The following CHRNG variants were observed in gnomAD, a reference collection of about 807,000 sequenced individuals.
The protein encoded by CHRNG is acetylcholine receptor subunit gamma.
CHRNG carries 72 observed loss-of-function variants against 65.2 expected under a neutral mutation model. The ratio of observed to expected loss-of-function variants is 1.10; its 90% CI spans 0.91 to 1.34. The LOEUF is 1.34. Among genes scored for constraint, CHRNG ranks in the 40% most tolerant of loss-of-function variants. The pLI is 0.00. For synonymous variants in CHRNG, 284 were observed against 290.2 expected (o/e 0.98, Z 0.22); for missense variants, 637 against 680.1 (o/e 0.94, Z 0.70).
At chr2:232,543,223 T>C in intron 7 of CHRNG, 52 bp from the exon 8 acceptor site, 1 of 1,548,090 alleles carries the variant, frequency 6.5e-7, no homozygotes, top group Non-Finnish European at 8.9e-7. Flanking sequence ...GGGGTTCCTC[T>C]GTGGGTGGGG....
Position 232,540,610 on chromosome 2 carries a change from C to T in CHRNG, c.249C>T (p.Cys83=), listed in dbSNP as rs376744239. 16 of 1,611,416 alleles carry T rather than the reference C, an allele frequency of 9.9e-6. No individual in the cohort carries two copies. The highest frequency in any genetic ancestry group is 4.0e-5 in the African/African-American group (3 of 74,892). ...TTNVWIEMQW[C]DYRLRWDPRD... ...TGCCCCTCCCCCTGCAGCAGTGGTG[C>T]GACTATCGCCTGCGCTGGGATCCGC... The change falls in exon 4 of 12, where the codon TGC becomes TGT. Residue 83 remains cysteine, a synonymous_variant. Transcript: ENST00000651502. The surrounding 1 kb of genome is among the most constrained non-coding windows in gnomAD (Gnocchi z 4.2).
chr2:232,543,475 C>T, intron 8 of CHRNG, 86 bp downstream of exon 8: 4 of 1,214,572 alleles, frequency 3.3e-6, no homozygotes, highest in Non-Finnish European at 2.4e-6. Context: ...TCTTGCCCTC[C>T]ATCCACCCCC....
At position 232,541,931 on chromosome 2, in the gene CHRNG, T is replaced by G. The variant is rs1485923797; in HGVS notation, c.506+402T>G. 5.8e-6 allele frequency: 2 copies of G among 343,088 alleles called. No homozygotes were observed. The highest frequency in any genetic ancestry group is 4.2e-5 in the Admixed American group (1 of 24,050). The allele number at this position is 343,088 out of a possible 1,614,324, so 21.3% of individuals were successfully genotyped here. On this transcript the variant is annotated intron_variant, in intron 5 of 11. Transcript: ENST00000651502. This position sits in a 1 kb window ranked among gnomAD's most constrained non-coding sequence, Gnocchi z 4.0. Reference sequence around the variant, plus strand: ...CCTGGCAGGGAATCCAGCGGAAGCATGTATGCAACCAAGCCACCCCTGGGG... The same window carrying G: ...CCTGGCAGGGAATCCAGCGGAAGCAGGTATGCAACCAAGCCACCCCTGGGG...
At chr2:232,542,336 C>A in intron 5 of CHRNG, 87 bp from the exon 6 acceptor site, 1 of 851,932 alleles carries the variant, frequency 1.2e-6, no homozygotes, top group Non-Finnish European at 2.0e-6. Context: ...AGAAAAGCTG[C>A]CCACACTTGT....
intron 1 of CHRNG, 82 bp from the exon 2 acceptor site, chr2:232,539,908 CCT>C (rs1691978256): frequency 3.7e-6 from 6 of 1,608,184 alleles, no homozygotes; most frequent in African/African-American, 2.7e-5. Flanking sequence ...GACCCAGTTC[CCT>C]GAGTCCCCAC....
In CHRNG at chr2:232,545,986, A is replaced by C. The variant is rs896246172; in HGVS notation, c.*270A>C. 8.6e-6 allele frequency: 5 copies of C among 580,192 alleles called. No individual in the cohort carries two copies. The highest frequency in any genetic ancestry group is 1.6e-5 in the Non-Finnish European group (5 of 320,414). The allele number at this position is 580,192 out of a possible 1,614,324, so 35.9% of individuals were successfully genotyped here. On this transcript the variant is annotated 3_prime_UTR_variant, in exon 12 of 12. Coordinates refer to ENST00000651502, the MANE Select transcript of CHRNG (RefSeq NM_005199.5). ...CCTGGCACCAGCCACCCCTCCACTC[A>C]GTGCACTCCCCTCACTTAGGCAAAG...
Position 232,543,481 on chromosome 2 carries a change from C to CG in CHRNG, c.920+92_920+93insG, listed in dbSNP as rs1692059849. ...GCATTGCCCTCTTGCCCTCCATCCA[C>CG]CCCCCCCATCCTCAATTCAGGAGGC... On this transcript the variant is annotated intron_variant, in intron 8 of 11. Transcript: ENST00000651502. 11 of 984,920 alleles carry CG rather than the reference C, an allele frequency of 1.1e-5. No homozygotes were observed. In the East Asian group the frequency reaches 3.5e-4, roughly 31 times the overall value. 61.0% of individuals were successfully genotyped at this position (984,920 alleles called of 1,614,324 possible).
At position 232,540,301 on chromosome 2, in the gene CHRNG, C is replaced by T; in HGVS notation, c.196-80C>T. ...AGTACTATCAAGAGGCTGGGGGATG[C>T]TTGGCCCCATTGGTGGCCTGTGGGG... is the stretch of plus-strand genomic sequence containing the variant. On this transcript the variant is annotated intron_variant, in intron 2 of 11. Coordinates refer to ENST00000651502, the MANE Select transcript of CHRNG (RefSeq NM_005199.5). The surrounding 1 kb of genome is among the most constrained non-coding windows in gnomAD (Gnocchi z 4.2). 1.2e-6 allele frequency: 2 copies of T among 1,602,482 alleles called. No individual in the cohort carries two copies. Among genetic ancestry groups the T allele is most frequent in the Non-Finnish European group, 8.6e-7 (1 of 1,169,550 alleles).
At position 232,541,497 on chromosome 2, in the gene CHRNG, C is replaced by T. The variant is rs145907618; in HGVS notation, c.474C>T (p.Pro158=). ...SACSISVTYF[P]FDWQNCSLIF... ...GCTCTATCTCAGTCACCTACTTCCC[C>T]TTCGACTGGCAGAACTGCTCCCTTA... Residue 158 remains proline, a synonymous_variant, in exon 5 of 12, where the codon CCC becomes CCT. Coordinates refer to ENST00000651502, the MANE Select transcript of CHRNG (RefSeq NM_005199.5). The surrounding 1 kb of genome is among the most constrained non-coding windows in gnomAD (Gnocchi z 4.0). The T allele has an allele frequency of 3.7e-6, 6 of 1,614,152 alleles. No individual in the cohort carries two copies. Among genetic ancestry groups the T allele is most frequent in the Non-Finnish European group, 5.1e-6 (6 of 1,180,004 alleles).
rs201271850 is a variant in CHRNG at position 232,541,569 on chromosome 2, C to G, written c.506+40C>G. 5 of 1,608,366 alleles carry G rather than the reference C, an allele frequency of 3.1e-6. No individual in the cohort carries two copies. Among genetic ancestry groups the G allele is most frequent in the Non-Finnish European group, 4.2e-6 (5 of 1,179,240 alleles). ...TGGGGAGGATTAAGAGAGCTGCTCT[C>G]AGAGGGGCCTGGGCAGTGGTGGGGT... On this transcript the variant is annotated intron_variant, in intron 5 of 11. Transcript: ENST00000651502. The surrounding 1 kb of genome is among the most constrained non-coding windows in gnomAD (Gnocchi z 4.0).
At position 232,541,624 on chromosome 2, in the gene CHRNG, T is replaced by C. The variant is rs1397827138; in HGVS notation, c.506+95T>C. The stretch of plus-strand genomic sequence containing the variant: ...CCTGGGCAAGGCTTCTGGCCTTGGC[T>C]CTGGCAGCACCTAGAGGCCTGGCTC... On this transcript the variant is annotated intron_variant, in intron 5 of 11. Transcript: ENST00000651502. This position sits in a 1 kb window ranked among gnomAD's most constrained non-coding sequence, Gnocchi z 4.0. The C allele has an allele frequency of 1.4e-6, 2 of 1,472,664 alleles. No homozygotes were observed. The highest frequency in any genetic ancestry group is 1.7e-5 in the Admixed American group (1 of 59,678). The allele number at this position is 1,472,664 out of a possible 1,614,324, so 91.2% of individuals were successfully genotyped here. A position where few individuals can be genotyped will look rare whatever the true frequency, so the allele number is the denominator to read the frequency against.
intron 11 of CHRNG, 55 bp from the exon 12 acceptor site, chr2:232,545,488 C>A: frequency 6.6e-7 from 1 of 1,507,114 alleles, no homozygotes; most frequent in Non-Finnish European, 9.1e-7. Flanking sequence ...AGAACAGGAC[C>A]CAGGGAAGAC....
rs778450593 is a variant in CHRNG, at chr2:232,545,645, G to A, written c.1483G>A (p.Ala495Thr). 6.2e-7 allele frequency: 1 copy of A among 1,614,020 alleles called. No homozygotes were observed. Residue 495 changes from alanine to threonine, a missense_variant, in exon 12 of 12, where the codon GCC becomes ACC. Ala to Thr is a moderately conservative substitution (Grantham distance 58). Transcript: ENST00000651502. ...ICGTAGIFLM[A>T]HYNRVPALPF... ...TGGCACAGCTGGCATCTTCCTCATGGCCCACTACAACCGGGTGCCGGCCCT... is the reference window on the plus strand; with the variant it reads ...TGGCACAGCTGGCATCTTCCTCATGACCCACTACAACCGGGTGCCGGCCCT...
chr2:232,543,549 A>G (rs1288872359), intron 8 of CHRNG, 36 bp from the exon 9 acceptor site: 1 of 1,408,188 alleles, frequency 7.1e-7, no homozygotes. Context: ...GCATCATGGT[A>G]TGGGCTGCCA....
chr2:232,543,120 C>G (rs754276441), intron 7 of CHRNG, 38 bp downstream of exon 7: 1 of 1,599,944 alleles, frequency 6.3e-7, no homozygotes, highest in South Asian at 1.1e-5. Context: ...TCCAGTAGCA[C>G]AGGGGACACC....
chr2:232,541,326 G>C lies in CHRNG; in HGVS notation c.351-48G>C. 2 of 1,611,872 alleles carry C rather than the reference G, an allele frequency of 1.2e-6. No individual in the cohort carries two copies. The highest frequency in any genetic ancestry group is 1.7e-6 in the Non-Finnish European group (2 of 1,178,766). ...GGGGCTGGTCTGGGGCTGGGGTGTC[G>C]GGGGCTGAGCCCACAGCCTCGTGGC... On this transcript the variant is annotated intron_variant, in intron 4 of 11. Coordinates refer to ENST00000651502, the MANE Select transcript of CHRNG (RefSeq NM_005199.5). The surrounding 1 kb of genome is among the most constrained non-coding windows in gnomAD (Gnocchi z 4.0).
chr2:232,542,964 G>A lies in CHRNG; in HGVS notation c.687G>A (p.Gln229=). The A allele has an allele frequency of 1.2e-6, 2 of 1,614,140 alleles. No individual in the cohort carries two copies. Among genetic ancestry groups the A allele is most frequent in the Non-Finnish European group, 8.5e-7 (1 of 1,179,952 alleles). Residue 229 remains glutamine (Q), a synonymous_variant, in exon 7 of 12, where the codon CAG becomes CAA. Coordinates refer to ENST00000651502, the MANE Select transcript of CHRNG (RefSeq NM_005199.5). The stretch of plus-strand genomic sequence containing the variant: ...CGCCAGCCCAGGAAGCAGGCCACCA[G>A]AAGGTGGTGTTCTACCTGCTCATCC... The part of the protein sequence containing the change: ...PAAPAQEAGH[Q]KVVFYLLIQR...
Position 232,541,291 on chromosome 2 carries a change from A to T in CHRNG, c.351-83A>T. On this transcript the variant is annotated intron_variant, in intron 4 of 11. Coordinates refer to ENST00000651502, the MANE Select transcript of CHRNG (RefSeq NM_005199.5). This position sits in a 1 kb window ranked among gnomAD's most constrained non-coding sequence, Gnocchi z 4.0. ...CTGGTGTCCCCAGGCCCCTATCCAC[A>T]TGGGGCACAGGGGCTGGTCTGGGGC... The T allele has an allele frequency of 2.6e-6, 4 of 1,553,808 alleles. No individual in the cohort carries two copies. Among genetic ancestry groups the T allele is most frequent in the Non-Finnish European group, 3.5e-6 (4 of 1,132,594 alleles).
In CHRNG at chr2:232,547,090, A is replaced by T. The variant is rs867766584; in HGVS notation, c.*1374A>T. ...CTATGCTCCCTGAGGCTGTTCCCTCATCTGTAAATAAGGTGCAAAAAATAA... is the reference window on the plus strand; with the variant it reads ...CTATGCTCCCTGAGGCTGTTCCCTCTTCTGTAAATAAGGTGCAAAAAATAA... On this transcript the variant is annotated 3_prime_UTR_variant, in exon 12 of 12. Coordinates refer to ENST00000651502, the MANE Select transcript of CHRNG (RefSeq NM_005199.5). Among the ~76,000 whole-genome samples the T allele has an allele frequency of 2.6e-5, 4 of 152,242 alleles. No individual in the cohort carries two copies. Among genetic ancestry groups the T allele is most frequent in the Middle Eastern group, 6.8e-3 (2 of 294 alleles).
Sources: gnomAD v4.1 joint callset for allele counts (sites outside exome capture counted in the v4.1 genomes callset) on GRCh38, gnomAD v4.1.1 for gene constraint, Gnocchi (gnomAD v3.1) non-coding constraint, MANE v1.5 for transcripts, NCBI Gene and HGNC (gene_info 2026-07-23, HGNC 2026-07-21) for gene names.